The following NME7 variants were observed in gnomAD, a reference collection of about 807,000 sequenced individuals.
The protein encoded by NME7 is NME/NM23 family member 7.
In NME7, 41 loss-of-function variants were observed where a neutral mutation model predicts 49.1. The observed-to-expected ratio is 0.83, with a 90% CI of 0.65 to 1.08. The LOEUF (loss-of-function observed/expected upper bound fraction) is 1.08, where lower values mean the gene tolerates loss of function less well. Ranked by LOEUF, NME7 falls within the 50% of genes least tolerant of loss-of-function variation. The pLI, the probability that NME7 is intolerant of heterozygous loss-of-function variation, is 0.00. For missense variants in NME7, 423 were observed against 463.4 expected, an observed-to-expected ratio of 0.91 and a Z score of 0.80; for synonymous variants, 139 against 150.6, an observed-to-expected ratio of 0.92 and a Z score of 0.56.
At chr1:169,287,104 TA>T in intron 7 of NME7, 198 bp downstream of exon 7, 1 of 486,770 alleles carries the variant, frequency 2.1e-6, no homozygotes, top group Non-Finnish European at 3.6e-6. Context: ...GAACACCTCC[TA>T]AAAATCCACA....
chr1:169,151,380 A>C (rs1181693972), intron 11 of NME7, among the ~76,000 whole-genome samples: 1 of 152,110 alleles, frequency 6.6e-6, no homozygotes, highest in African/African-American at 2.4e-5. Flanking sequence ...GGATGACTGG[A>C]CAAGGCTTTG....
At chr1:169,277,187 T>C (rs1222298030) in intron 7 of NME7, among the ~76,000 whole-genome samples, 1 of 149,686 alleles carries the variant, frequency 6.7e-6, no homozygotes. Context: ...GAGAGTTCTG[T>C]AGATGTCTAT....
At chr1:169,339,925 G>A (rs1257082189) in intron 1 of NME7, among the ~76,000 whole-genome samples, 2 of 152,212 alleles carry the variant, frequency 1.3e-5, no homozygotes, top group African/African-American at 4.8e-5. Flanking sequence ...GAAGACCACA[G>A]CTCATGTCAG....
chr1:169,179,575 T>C (rs997782683), intron 10 of NME7, among the ~76,000 whole-genome samples: 3 of 152,172 alleles, frequency 2.0e-5, no homozygotes, highest in East Asian at 1.9e-4. Flanking sequence ...CCATCAATTA[T>C]AGACTGGATA....
rs750613864 is a variant in NME7 at position 169,169,516 on chromosome 1, T to G, written c.1029A>C (p.Ala343=). ...ARHLRPGTLR[A]IFGKTKIQNA... ...TCTGGATCTTAGTTTTACCAAAGAT[T>G]GCTCTGAGAGTTCCAGGGCGTAAAT... The change falls in exon 11 of 12, where the codon GCA becomes GCC. Residue 343 remains alanine, a synonymous_variant. Transcript: ENST00000367811. 3.1e-6 allele frequency: 5 copies of G among 1,614,002 alleles called. No individual in the cohort carries two copies. The Admixed American group carries it at 8.3e-5, about 27-fold the overall frequency.
intron 1 of NME7, among the ~76,000 whole-genome samples, chr1:169,339,585 T>A (rs928052008): frequency 1.3e-5 from 2 of 152,218 alleles, no homozygotes; most frequent in Non-Finnish European, 2.9e-5. Context: ...GTTGTCAAGG[T>A]CACAAACACA....
At chr1:169,267,666 G>C (rs2101870221) in intron 7 of NME7, among the ~76,000 whole-genome samples, 1 of 133,222 alleles carries the variant, frequency 7.5e-6, no homozygotes, top group Non-Finnish European at 1.8e-5. Context: ...ACAAGCAATG[G>C]GGAAAGGACT....
chr1:169,179,565 C>T (rs1042583574), intron 10 of NME7, among the ~76,000 whole-genome samples: 3 of 152,102 alleles, frequency 2.0e-5, no homozygotes, highest in Non-Finnish European at 4.4e-5. Flanking sequence ...ACCTAAATGC[C>T]CATCAATTAT....
chr1:169,202,645 A>G (rs1022599763), intron 10 of NME7, among the ~76,000 whole-genome samples: 1 of 152,190 alleles, frequency 6.6e-6, no homozygotes, highest in African/African-American at 2.4e-5. Flanking sequence ...TTAAACTGCT[A>G]TAATGTGTCC....
At chr1:169,200,054 C>A (rs1040324554) in intron 10 of NME7, among the ~76,000 whole-genome samples, 3 of 151,698 alleles carry the variant, frequency 2.0e-5, no homozygotes, top group African/African-American at 7.3e-5. Context: ...ACACACCAAG[C>A]ACCCTGCTAG....
At chr1:169,342,158 A>G (rs572647625) in intron 1 of NME7, among the ~76,000 whole-genome samples, 3 of 152,148 alleles carry the variant, frequency 2.0e-5, no homozygotes, top group African/African-American at 7.2e-5. Flanking sequence ...CCACATGTTG[A>G]GGCAGGGACC....
intron 3 of NME7, among the ~76,000 whole-genome samples, chr1:169,320,096 TTTAA>T (rs1651797286): frequency 6.6e-6 from 1 of 152,292 alleles, no homozygotes; most frequent in East Asian, 1.9e-4. Context: ...ATATGAAAAC[TTTAA>T]TTATTTCTGG....
chr1:169,287,111 C>A (rs2420015), intron 7 of NME7, 192 bp downstream of exon 7: 2 of 512,022 alleles, frequency 3.9e-6, no homozygotes. Flanking sequence ...TCCTAAAAAT[C>A]CACAAAGAAA....
At chr1:169,173,931 G>GA (rs1475531511) in intron 10 of NME7, among the ~76,000 whole-genome samples, 1 of 152,172 alleles carries the variant, frequency 6.6e-6, no homozygotes, top group East Asian at 1.9e-4. Context: ...GTTATGCTGA[G>GA]AAAATCAGAC....
chr1:169,233,126 G>GC (rs5778609), intron 9 of NME7, among the ~76,000 whole-genome samples: 92,487 of 151,108 alleles, frequency 0.61, 28,605 homozygotes, highest in East Asian at 0.92. Flanking sequence ...ATTGTTCAAA[G>GC]AAATGCATTG....
intron 7 of NME7, among the ~76,000 whole-genome samples, chr1:169,278,927 G>C (rs1020242725): frequency 6.6e-6 from 1 of 152,188 alleles, no homozygotes; most frequent in Non-Finnish European, 1.5e-5. Context: ...CTGCAGGTCT[G>C]TTGGAGTTTG....
At chr1:169,267,651 C>A (rs1435214051) in intron 7 of NME7, among the ~76,000 whole-genome samples, 1 of 132,678 alleles carries the variant, frequency 7.5e-6, no homozygotes, top group African/African-American at 2.6e-5. Context: ...ACAAAGCTGA[C>A]AAAAACAAGC....
chr1:169,228,537 C>T (rs1434770506), intron 10 of NME7, among the ~76,000 whole-genome samples: 1 of 151,290 alleles, frequency 6.6e-6, no homozygotes, highest in African/African-American at 2.4e-5. Flanking sequence ...ATTAGCCGGG[C>T]GCAGTGGCGG....
Position 169,267,597 on chromosome 1 carries a change from G to A in NME7, c.754+19706C>T, listed in dbSNP as rs985498263. On this transcript the variant is annotated intron_variant, in intron 7 of 11. Transcript: ENST00000367811. ...ACACAGACCAATGGAGCAGGATAGAGAGCCCAGATATAAACCCACACACCT... is the reference window on the plus strand; with the variant it reads ...ACACAGACCAATGGAGCAGGATAGAAAGCCCAGATATAAACCCACACACCT... 3.0e-5 allele frequency among the ~76,000 whole-genome samples: 4 copies of A among 132,916 alleles called. No homozygotes were observed. The East Asian group carries it at 6.0e-4, about 20-fold the overall frequency. The allele number at this position is 132,916 out of a possible 152,430, so 87.2% of individuals were successfully genotyped here. A position where few individuals can be genotyped will look rare whatever the true frequency, so the allele number is the denominator to read the frequency against.
Sources: allele counts gnomAD v4.1 joint callset (sites outside exome capture counted in the v4.1 genomes callset), GRCh38; gene constraint gnomAD v4.1.1; transcripts MANE v1.5; gene names NCBI Gene and HGNC (gene_info 2026-07-23, HGNC 2026-07-21).